The following DHRS7B variants were observed in gnomAD, a reference collection of about 807,000 sequenced individuals.
DHRS7B encodes dehydrogenase/reductase 7B, also known as peroxisomal reductase activating PPAR-gamma.
Under a neutral mutation model 26.4 loss-of-function variants are expected in DHRS7B, and 24 were observed. The ratio of observed to expected loss-of-function variants is 0.91; its 90% CI spans 0.66 to 1.28. DHRS7B has a LOEUF of 1.28. DHRS7B is among the 50% of genes most tolerant of loss of function. The pLI, the probability that DHRS7B is intolerant of heterozygous loss-of-function variation, is 0.00. For synonymous variants in DHRS7B, 142 were observed against 166.4 expected (o/e 0.85, Z 1.13); for missense variants, 368 against 419.4 (o/e 0.88, Z 1.07).
chr17:21,153,602 G>A (rs1359521977), intron 1 of DHRS7B, among the ~76,000 whole-genome samples: 2 of 152,182 alleles, frequency 1.3e-5, no homozygotes, highest in African/African-American at 4.8e-5. Flanking sequence ...TAAAAAAACA[G>A]AAATGTCTTA....
chr17:21,173,621 G>C (rs1597752398), intron 2 of DHRS7B, among the ~76,000 whole-genome samples: 1 of 152,180 alleles, frequency 6.6e-6, no homozygotes, highest in East Asian at 1.9e-4. Context: ...GCTTTAGGGA[G>C]TATGGATTCA....
chr17:21,159,503 C>G (rs1035040792), intron 1 of DHRS7B, among the ~76,000 whole-genome samples: 11 of 151,816 alleles, frequency 7.2e-5, no homozygotes, highest in African/African-American at 2.7e-4. Context: ...GATCCTGCTG[C>G]CTTGGCCTCC....
At chr17:21,156,067 G>A (rs1374628565) in intron 1 of DHRS7B, among the ~76,000 whole-genome samples, 1 of 151,924 alleles carries the variant, frequency 6.6e-6, no homozygotes, top group African/African-American at 2.4e-5. Flanking sequence ...AAAAAGAAGA[G>A]AAAATTAAAT....
intron 1 of DHRS7B, among the ~76,000 whole-genome samples, chr17:21,141,820 A>G (rs760628596): frequency 6.6e-6 from 1 of 151,948 alleles, no homozygotes; most frequent in East Asian, 1.9e-4. Context: ...CTCTGGAAGG[A>G]GTGCTCTCAG....
chr17:21,183,538 T>C, intron 3 of DHRS7B, 56 bp from the exon 4 acceptor site: 1 of 1,524,390 alleles, frequency 6.6e-7, no homozygotes, highest in Non-Finnish European at 9.1e-7. Flanking sequence ...GTGGGACACA[T>C]AGCTCAGATG....
intron 1 of DHRS7B, among the ~76,000 whole-genome samples, chr17:21,143,024 G>A (rs1424542311): frequency 6.6e-6 from 1 of 152,188 alleles, no homozygotes; most frequent in Non-Finnish European, 1.5e-5. Context: ...CACCTCCTGG[G>A]TTCAAGTGAT....
At chr17:21,133,176 G>C (rs1023128215) in intron 1 of DHRS7B, among the ~76,000 whole-genome samples, 4 of 152,174 alleles carry the variant, frequency 2.6e-5, no homozygotes, top group African/African-American at 9.7e-5. Flanking sequence ...CTTTTCAATA[G>C]CCATGTATGG....
intron 5 of DHRS7B, among the ~76,000 whole-genome samples, chr17:21,184,739 T>G (rs2144214878): frequency 6.6e-6 from 1 of 152,302 alleles, no homozygotes; most frequent in East Asian, 1.9e-4. Context: ...GGAGGACTGC[T>G]GTGAGCGCTG....
chr17:21,149,248 T>C (rs886669321), intron 1 of DHRS7B, among the ~76,000 whole-genome samples: 1 of 151,716 alleles, frequency 6.6e-6, no homozygotes, highest in Non-Finnish European at 1.5e-5. Flanking sequence ...TCAAAAATAC[T>C]GTGTCCAGCA....
At chr17:21,190,437 A>G (rs1350416771) in intron 6 of DHRS7B, among the ~76,000 whole-genome samples, 1 of 152,220 alleles carries the variant, frequency 6.6e-6, no homozygotes, top group Non-Finnish European at 1.5e-5. Context: ...GAGCTTGTGC[A>G]TATGGGGGTC....
At chr17:21,170,669 C>G (rs1476965667) in intron 1 of DHRS7B, among the ~76,000 whole-genome samples, 2 of 152,100 alleles carry the variant, frequency 1.3e-5, no homozygotes, top group Admixed American at 6.5e-5. Flanking sequence ...TAATCTAGTT[C>G]AGTTGACAGT....
chr17:21,140,479 TAC>T (rs4020775), intron 1 of DHRS7B, among the ~76,000 whole-genome samples: 10,801 of 83,396 alleles, frequency 0.13, 466 homozygotes, highest in Non-Finnish European at 0.13. Context: ...GCCTTTTAAA[TAC>T]ACACACACAC....
chr17:21,150,057 A>G, intron 1 of DHRS7B, among the ~76,000 whole-genome samples: 1 of 140,650 alleles, frequency 7.1e-6, no homozygotes. Flanking sequence ...ACTTGAGCCC[A>G]GGAGTTCAAG....
At chr17:21,189,567 G>A (rs1202597738) in intron 6 of DHRS7B, among the ~76,000 whole-genome samples, 1 of 152,202 alleles carries the variant, frequency 6.6e-6, no homozygotes, top group African/African-American at 2.4e-5. Context: ...GGTTTGTGCT[G>A]TGATGTCTGC....
At chr17:21,165,198 T>G (rs1974084198) in intron 1 of DHRS7B, among the ~76,000 whole-genome samples, 1 of 152,126 alleles carries the variant, frequency 6.6e-6, no homozygotes, top group African/African-American at 2.4e-5. Flanking sequence ...CCATGCTGGC[T>G]TGGTGTTTTC....
chr17:21,151,525 AAAAAG>A (rs1296098468), intron 1 of DHRS7B, among the ~76,000 whole-genome samples: 1 of 151,976 alleles, frequency 6.6e-6, no homozygotes, highest in Non-Finnish European at 1.5e-5. Flanking sequence ...AAAAAAAAAA[AAAAAG>A]AAGTTGCCAC....
At chr17:21,171,862 C>G (rs532394357) in intron 1 of DHRS7B, 156 bp from the exon 2 acceptor site, 65 of 893,518 alleles carry the variant, frequency 7.3e-5, no homozygotes, top group Non-Finnish European at 1.1e-4. Flanking sequence ...GAACAGTCGG[C>G]CGAGGGTGCA....
intron 1 of DHRS7B, among the ~76,000 whole-genome samples, chr17:21,131,780 A>G (rs1030472152): frequency 2.0e-5 from 3 of 152,190 alleles, no homozygotes; most frequent in Non-Finnish European, 2.9e-5. Flanking sequence ...AAGTAAGGCT[A>G]TGTTTGTACT....
intron 1 of DHRS7B, among the ~76,000 whole-genome samples, chr17:21,161,923 C>T (rs756587604): frequency 2.0e-5 from 3 of 151,960 alleles, no homozygotes; most frequent in Non-Finnish European, 4.4e-5. Flanking sequence ...GTGTACTAAA[C>T]GTTTTCAGGA....
Sources: allele counts gnomAD v4.1 joint callset (sites outside exome capture counted in the v4.1 genomes callset), GRCh38; gene constraint gnomAD v4.1.1; transcripts MANE v1.5; gene names NCBI Gene and HGNC (gene_info 2026-07-23, HGNC 2026-07-21).